Variants in KIAA0825 observed in about 807,000 individuals in gnomAD.
KIAA0825 encodes the protein KIAA0825.
Under a neutral mutation model 147.6 loss-of-function variants are expected in KIAA0825, and 119 were observed. The observed-to-expected ratio is 0.81, with a 90% CI of 0.69 to 0.94. The LOEUF (loss-of-function observed/expected upper bound fraction) is 0.94, where lower values mean the gene tolerates loss of function less well. Ranked by LOEUF, KIAA0825 falls within the 40% of genes least tolerant of loss-of-function variation. KIAA0825 has a pLI of 0.00. For synonymous variants in KIAA0825, 470 were observed against 518.1 expected, an observed-to-expected ratio of 0.91 and a Z score of 1.26; for missense variants, 1,381 against 1,472.7, an observed-to-expected ratio of 0.94 and a Z score of 1.02.
intron 1 of KIAA0825, among the ~76,000 whole-genome samples, chr5:94,583,002 T>G (rs747916935): frequency 2.6e-5 from 4 of 152,228 alleles, no homozygotes; most frequent in African/African-American, 4.8e-5. Flanking sequence ...AACCGTCTTT[T>G]CCCCATTCTT....
chr5:94,470,060 T>C lies in KIAA0825; in HGVS notation c.1773A>G (p.Leu591=), dbSNP rs1364177247. The change falls in exon 10 of 21, where the codon CTA becomes CTG. Residue 591 remains leucine, a synonymous_variant. Coordinates refer to ENST00000682413, the MANE Select transcript of KIAA0825 (RefSeq NM_001145678.3). ...VQRYQEFINT[L]QFQVTNYCVR... is the part of the protein sequence containing the mutation. Reference sequence around the variant, plus strand: ...CGCAGTAGTTCGTAACCTGAAACTGTAGAGTGTTGATGAATTCCTGATATC... The same window carrying C: ...CGCAGTAGTTCGTAACCTGAAACTGCAGAGTGTTGATGAATTCCTGATATC... 1 of 1,551,622 alleles carries C rather than the reference T, an allele frequency of 6.4e-7. No homozygotes were observed. The highest frequency in any genetic ancestry group is 2.4e-5 in the East Asian group (1 of 40,908).
intron 20 of KIAA0825, among the ~76,000 whole-genome samples, chr5:94,157,180 G>A (rs745480750): frequency 1.2e-4 from 18 of 152,106 alleles, no homozygotes; most frequent in Non-Finnish European, 2.1e-4. Context: ...AGCATTATGA[G>A]GTAATTATAT....
At chr5:94,435,152 G>A (rs1584483710) in intron 14 of KIAA0825, among the ~76,000 whole-genome samples, 1 of 151,150 alleles carries the variant, frequency 6.6e-6, no homozygotes, top group African/African-American at 2.4e-5. Context: ...CAGTTCAGGG[G>A]TACATGTACA....
At chr5:94,154,374 C>G (rs1346822058) in intron 20 of KIAA0825, among the ~76,000 whole-genome samples, 2 of 152,144 alleles carry the variant, frequency 1.3e-5, no homozygotes, top group African/African-American at 2.4e-5. Flanking sequence ...AGAATTGTTT[C>G]AAATGAGGTT....
intron 18 of KIAA0825, among the ~76,000 whole-genome samples, chr5:94,388,847 G>A (rs1749530447): frequency 6.6e-6 from 1 of 152,080 alleles, no homozygotes; most frequent in South Asian, 2.1e-4. Context: ...CACCTTCCCT[G>A]TGCATTATGT....
intron 20 of KIAA0825, among the ~76,000 whole-genome samples, chr5:94,188,209 A>G (rs573663854): frequency 7.3e-4 from 111 of 152,334 alleles, no homozygotes; most frequent in African/African-American, 2.6e-3. Context: ...CAACCAGTCT[A>G]TGGTATTCTG....
intron 5 of KIAA0825, among the ~76,000 whole-genome samples, chr5:94,485,995 T>C (rs1305969429): frequency 6.6e-6 from 1 of 151,914 alleles, no homozygotes; most frequent in Non-Finnish European, 1.5e-5. Flanking sequence ...CACTATCATT[T>C]TAATATGATA....
chr5:94,361,436 A>C (rs1745046072), intron 20 of KIAA0825, among the ~76,000 whole-genome samples: 1 of 152,220 alleles, frequency 6.6e-6, no homozygotes, highest in Non-Finnish European at 1.5e-5. Flanking sequence ...AAAATGAAAA[A>C]CATATTAGCA....
intron 10 of KIAA0825, among the ~76,000 whole-genome samples, chr5:94,468,742 C>T (rs377751153): frequency 9.1e-6 from 1 of 110,382 alleles, no homozygotes; most frequent in Non-Finnish European, 2.2e-5. Context: ...ACCACAGGAA[C>T]CTTCAGTGCC....
At chr5:94,464,122 T>C (rs1163350575) in intron 11 of KIAA0825, among the ~76,000 whole-genome samples, 3 of 146,450 alleles carry the variant, frequency 2.0e-5, no homozygotes, top group Admixed American at 1.4e-4. Context: ...TCCTAAAATA[T>C]ATCTGAAAAA....
At chr5:94,461,518 C>T (rs148680943) in intron 12 of KIAA0825, among the ~76,000 whole-genome samples, 1 of 151,938 alleles carries the variant, frequency 6.6e-6, no homozygotes, top group South Asian at 2.1e-4. Flanking sequence ...CTAAAAGTAG[C>T]TCTCAACTTG....
intron 5 of KIAA0825, among the ~76,000 whole-genome samples, chr5:94,496,425 T>G (rs761631267): frequency 6.6e-6 from 1 of 152,166 alleles, no homozygotes; most frequent in Non-Finnish European, 1.5e-5. Flanking sequence ...AAAAAGTTTG[T>G]CAACCCCTGC....
Position 94,467,892 on chromosome 5 carries a change from T to C in KIAA0825, c.1872+2069A>G, listed in dbSNP as rs570040525. Among the ~76,000 whole-genome samples the C allele has an allele frequency of 3.9e-5, 6 of 152,288 alleles. No individual in the cohort carries two copies. The South Asian group carries it at 1.2e-3, about 32-fold the overall frequency. On this transcript the variant is annotated intron_variant, in intron 10 of 20. Transcript: ENST00000682413. ...GAAGAAAGGGGTGCAGTAAGCAAGA[T>C]AAAACCATGTCAGGTACTCCAGTTG...
At chr5:94,544,988 C>G (rs1029412019) in intron 2 of KIAA0825, among the ~76,000 whole-genome samples, 1 of 151,756 alleles carries the variant, frequency 6.6e-6, no homozygotes, top group Admixed American at 6.6e-5. Flanking sequence ...CCTCCCTCAT[C>G]CCTTGGCAGC....
chr5:94,154,247 T>C (rs899763845), intron 20 of KIAA0825, 123 bp from the exon 21 acceptor site: 1 of 675,054 alleles, frequency 1.5e-6, no homozygotes, highest in African/African-American at 1.8e-5. Context: ...CTGTTTATTC[T>C]TCACTGACTG....
intron 20 of KIAA0825, among the ~76,000 whole-genome samples, chr5:94,249,526 G>T (rs566864812): frequency 6.6e-6 from 1 of 152,110 alleles, no homozygotes; most frequent in East Asian, 1.9e-4. Context: ...TTAAGCATGA[G>T]GGCATGTGTA....
At chr5:94,175,587 C>T (rs1221442403) in intron 20 of KIAA0825, among the ~76,000 whole-genome samples, 1 of 152,154 alleles carries the variant, frequency 6.6e-6, no homozygotes, top group East Asian at 1.9e-4. Flanking sequence ...AGCCTTACAG[C>T]ATTCCCCTGT....
At chr5:94,464,790 C>G in intron 11 of KIAA0825, 79 bp downstream of exon 11, 1 of 1,197,188 alleles carries the variant, frequency 8.4e-7, no homozygotes, top group Non-Finnish European at 1.2e-6. Context: ...AGGAGTATGT[C>G]ATGAGATTCA....
At chr5:94,574,899 CA>C (rs1357708741) in intron 2 of KIAA0825, among the ~76,000 whole-genome samples, 1 of 152,220 alleles carries the variant, frequency 6.6e-6, no homozygotes, top group East Asian at 1.9e-4. Context: ...CTCTGGTTCT[CA>C]TCTTGACATT....
Sources: gnomAD v4.1 joint callset for allele counts (sites outside exome capture counted in the v4.1 genomes callset) on GRCh38, gnomAD v4.1.1 for gene constraint, MANE v1.5 for transcripts, NCBI Gene and HGNC (gene_info 2026-07-23, HGNC 2026-07-21) for gene names.